Variants in SPATA6 observed in about 807,000 individuals in gnomAD.
SPATA6 encodes spermatogenesis-associated protein 6.
A neutral mutation model predicts 65.3 loss-of-function variants in SPATA6; 56 were observed. The observed-to-expected ratio is 0.86, with a 90% CI of 0.69 to 1.07. SPATA6 has a LOEUF of 1.07. Ranked by LOEUF, SPATA6 falls within the 50% of genes least tolerant of loss-of-function variation. SPATA6 has a pLI of 0.00. For synonymous variants in SPATA6, 199 were observed against 213.2 expected (o/e 0.93, Z 0.58); for missense variants, 590 against 594.8 (o/e 0.99, Z 0.08).
chr1:48,313,823 A>G lies in SPATA6; in HGVS notation c.1195-7945T>C, dbSNP rs1238056892. Among the ~76,000 whole-genome samples the G allele has an allele frequency of 3.9e-5, 6 of 152,340 alleles. No homozygotes were observed. The East Asian group carries it at 1.2e-3, about 29-fold the overall frequency. On this transcript the variant is annotated intron_variant, in intron 11 of 12. Transcript: ENST00000371847. The stretch of plus-strand genomic sequence containing the variant: ...CCATCTTATGTGCAGAGACACACAT[A>G]GGCTCAAAATAAAGGGATGGAGGAA...
chr1:48,423,062 G>C (rs1257736791), intron 3 of SPATA6, among the ~76,000 whole-genome samples: 1 of 152,032 alleles, frequency 6.6e-6, no homozygotes, highest in African/African-American at 2.4e-5. Flanking sequence ...CAGACACTAG[G>C]TTTAGTTAAA....
intron 9 of SPATA6, among the ~76,000 whole-genome samples, chr1:48,368,438 G>A (rs1357332091): frequency 1.3e-5 from 2 of 152,212 alleles, no homozygotes; most frequent in African/African-American, 4.8e-5. Flanking sequence ...ACACCAATCA[G>A]ACGTAGATTT....
At chr1:48,413,084 G>A in intron 4 of SPATA6, 26 bp downstream of exon 4, 1 of 835,188 alleles carries the variant, frequency 1.2e-6, no homozygotes, top group East Asian at 3.7e-5. Context: ...ATCTTATATT[G>A]TATATATTAC....
intron 3 of SPATA6, among the ~76,000 whole-genome samples, chr1:48,433,543 T>G (rs2148067381): frequency 6.6e-6 from 1 of 152,284 alleles, no homozygotes; most frequent in Middle Eastern, 3.4e-3. Flanking sequence ...TTAAATGTAC[T>G]ATGATACTCC....
At chr1:48,350,306 T>C (rs1278322476) in intron 11 of SPATA6, among the ~76,000 whole-genome samples, 6 of 151,302 alleles carry the variant, frequency 4.0e-5, no homozygotes, top group Non-Finnish European at 7.4e-5. Flanking sequence ...TTCTTTCTTT[T>C]TTTTTTTTCC....
intron 9 of SPATA6, among the ~76,000 whole-genome samples, chr1:48,360,957 T>C (rs920144122): frequency 3.9e-5 from 6 of 152,208 alleles, no homozygotes; most frequent in Non-Finnish European, 5.9e-5. Context: ...GAATTAGATA[T>C]ACTCTTCCAA....
intron 3 of SPATA6, among the ~76,000 whole-genome samples, chr1:48,421,838 T>A (rs1653370103): frequency 6.6e-6 from 1 of 152,024 alleles, no homozygotes; most frequent in Non-Finnish European, 1.5e-5. Context: ...GAAAACAAGT[T>A]TAAATAAATC....
the SPATA6 span, among the ~76,000 whole-genome samples, chr1:48,280,578 T>C: frequency 5.5e-4 from 83 of 151,666 alleles, no homozygotes; most frequent in Non-Finnish European, 1.1e-3. Flanking sequence ...AACTAGAAAA[T>C]CTAGAATAAA....
chr1:48,287,919 T>C, the SPATA6 span, among the ~76,000 whole-genome samples: 1 of 152,212 alleles, frequency 6.6e-6, no homozygotes, highest in Non-Finnish European at 1.5e-5. Context: ...ATCCAAAAGA[T>C]TATAATGTTA....
intron 3 of SPATA6, chr1:48,448,066 C>A (rs943045596): frequency 1.3e-5 from 2 of 151,860 alleles, no homozygotes; most frequent in African/African-American, 4.8e-5. Context: ...AAGCTGCCAG[C>A]CTGGGCAAAA....
chr1:48,428,166 A>G (rs1654015867), intron 3 of SPATA6, among the ~76,000 whole-genome samples: 1 of 152,180 alleles, frequency 6.6e-6, no homozygotes. Context: ...ATAATAACAT[A>G]AAAACAGGCC....
intron 11 of SPATA6, among the ~76,000 whole-genome samples, chr1:48,319,490 C>T (rs971253060): frequency 6.6e-6 from 1 of 152,134 alleles, no homozygotes; most frequent in African/African-American, 2.4e-5. Flanking sequence ...AATGCTAACA[C>T]TTCAAGTAGA....
chr1:48,377,153 C>T (rs1378985472), intron 9 of SPATA6, among the ~76,000 whole-genome samples: 2 of 152,170 alleles, frequency 1.3e-5, no homozygotes, highest in East Asian at 3.8e-4. Context: ...AGCATCCACT[C>T]TTTTCTCAGT....
intron 11 of SPATA6, 142 bp from the exon 12 acceptor site, chr1:48,306,020 G>C: frequency 1.7e-6 from 1 of 598,460 alleles, no homozygotes; most frequent in Non-Finnish European, 2.9e-6. Flanking sequence ...TGTTTCTTTG[G>C]GGGGAAAAAG....
At chr1:48,386,205 C>T (rs1649445999) in intron 8 of SPATA6, among the ~76,000 whole-genome samples, 1 of 151,998 alleles carries the variant, frequency 6.6e-6, no homozygotes, top group African/African-American at 2.4e-5. Context: ...CGTGAAAATC[C>T]CCAGAAAAGT....
At chr1:48,266,942 C>T in the SPATA6 span, among the ~76,000 whole-genome samples, 1 of 152,128 alleles carries the variant, frequency 6.6e-6, no homozygotes, top group South Asian at 2.1e-4. Context: ...ATATTTTCAA[C>T]ATGTCCTTGT....
At chr1:48,366,844 A>C (rs974123241) in intron 9 of SPATA6, among the ~76,000 whole-genome samples, 1 of 151,890 alleles carries the variant, frequency 6.6e-6, no homozygotes, top group South Asian at 2.1e-4. Flanking sequence ...CTAGCTTTTG[A>C]ATGTGTTTGC....
chr1:48,317,071 C>T (rs1052772841), intron 11 of SPATA6, among the ~76,000 whole-genome samples: 1 of 152,194 alleles, frequency 6.6e-6, no homozygotes, highest in African/African-American at 2.4e-5. Context: ...CACTTTTACA[C>T]TGTTGGTGGG....
chr1:48,305,882 A>G lies in SPATA6; in HGVS notation c.1195-4T>C. 1 of 1,608,556 alleles carries G rather than the reference A, an allele frequency of 6.2e-7. No individual in the cohort carries two copies. The highest frequency in any genetic ancestry group is 8.5e-7 in the Non-Finnish European group (1 of 1,176,802). The stretch of plus-strand genomic sequence containing the variant: ...CTTTCTCTAGGTCTCTCTCATCCTG[A>G]AAAATTTTAAAGATTTCCATTAACT... On this transcript the variant is annotated splice_region_variant and splice_polypyrimidine_tract_variant and intron_variant, in intron 11 of 12. Coordinates refer to ENST00000371847, the MANE Select transcript of SPATA6 (RefSeq NM_019073.4).
Sources: gnomAD v4.1 joint callset for allele counts (sites outside exome capture counted in the v4.1 genomes callset) on GRCh38, gnomAD v4.1.1 for gene constraint, MANE v1.5 for transcripts, NCBI Gene and HGNC (gene_info 2026-07-23, HGNC 2026-07-21) for gene names.